SLC26A1: variants seen among roughly 807,000 people sequenced by gnomAD.
The protein encoded by SLC26A1 is solute carrier family 26 member 1.
Under a neutral mutation model 14.5 loss-of-function variants are expected in SLC26A1, and 18 were observed. The observed-to-expected ratio is 1.24, with a 90% CI of 0.86 to 1.84. SLC26A1 has a LOEUF of 1.84. SLC26A1 is among the 40% of genes most tolerant of loss of function. The pLI, the probability that SLC26A1 is intolerant of heterozygous loss-of-function variation, is 0.00. For missense variants in SLC26A1, 1,049 were observed against 1,020.0 expected, an observed-to-expected ratio of 1.03 and a Z score of -0.39; for synonymous variants, 505 against 492.0, an observed-to-expected ratio of 1.03 and a Z score of -0.35.
rs1355957808 is a variant in SLC26A1 at position 989,086 on chromosome 4, G to T, written c.1853C>A (p.Pro618Gln). 1 of 1,598,416 alleles carries T rather than the reference G, an allele frequency of 6.3e-7. No individual in the cohort carries two copies. Among genetic ancestry groups the T allele is most frequent in the Admixed American group, 1.7e-5 (1 of 58,278 alleles). Residue 618 changes from proline to glutamine, a missense_variant, in exon 3 of 3, where the codon CCG (proline) becomes CAG (glutamine). Pro to Gln is a moderately conservative substitution (Grantham distance 76). Transcript: ENST00000398516. ...ACCGGCTGCGTCTAGGAACAGCAGC[G>T]GGGCGCAGTCGATGACCACTGTGTG... Reference protein sequence around the residue: ...GFHTVVIDCAPLLFLDAAGVS... With the variant: ...GFHTVVIDCAQLLFLDAAGVS...
downstream of SLC26A1, chr4:987,558 T>C (rs1713832155): frequency 2.0e-5 from 25 of 1,253,192 alleles, no homozygotes; most frequent in Non-Finnish European, 2.6e-5. Flanking sequence ...CACCTAGAGC[T>C]GAGGTACCCG....
At chr4:990,577 C>T (rs1714209236) in intron 2 of SLC26A1, 2 of 592,280 alleles carry the variant, frequency 3.4e-6, no homozygotes, top group Admixed American at 3.0e-5. Flanking sequence ...TCCACGTGAG[C>T]ATCACACGTG....
At chr4:992,050 T>C (rs1368864810) in intron 1 of SLC26A1, 6 of 571,570 alleles carry the variant, frequency 1.0e-5, no homozygotes, top group Non-Finnish European at 2.0e-5. Flanking sequence ...GCCTATTGGC[T>C]CTGCGGTTCC....
At chr4:992,523 G>A (rs1714446919) in intron 1 of SLC26A1, among the ~76,000 whole-genome samples, 1 of 152,236 alleles carries the variant, frequency 6.6e-6, no homozygotes, top group African/African-American at 2.4e-5. Flanking sequence ...CCCCATCAGG[G>A]CCAGCTGGGA....
downstream of SLC26A1, chr4:987,159 G>C: frequency 7.0e-7 from 1 of 1,427,150 alleles, no homozygotes; most frequent in Non-Finnish European, 9.1e-7. Flanking sequence ...CGGTGGCCCC[G>C]GCCGAGGCCC....
At chr4:984,198 G>A (rs1713631094), downstream of SLC26A1, among the ~76,000 whole-genome samples, 1 of 152,208 alleles carries the variant, frequency 6.6e-6, no homozygotes, top group Admixed American at 6.5e-5. Flanking sequence ...ACAATAAAAT[G>A]AAGCAAGTTC....
chr4:982,474 G>A (rs1231045343), intron 2 of SLC26A1, among the ~76,000 whole-genome samples: 1 of 152,208 alleles, frequency 6.6e-6, no homozygotes, highest in East Asian at 1.9e-4. Context: ...GTGAGGGTAC[G>A]GTGCTGCTGG....
rs375888392 is a variant in SLC26A1, at chr4:990,285, C to G, written c.654G>C (p.Gly218=). The change falls in exon 3 of 3, where the codon GGG becomes GGC. Residue 218 remains glycine, a synonymous_variant. Transcript: ENST00000398516. ...GCGAGGTCAGGATGGTCACGGAGGC[C>G]CCCATGGCAAAGCCATCGAGCAGTG... ...SQPLLDGFAM[G]ASVTILTSQL... The G allele has an allele frequency of 1.9e-6, 3 of 1,602,380 alleles. No homozygotes were observed. The highest frequency in any genetic ancestry group is 1.1e-5 in the South Asian group (1 of 88,670).
rs142212318 is a variant in SLC26A1 at position 989,634 on chromosome 4, G to A, written c.1305C>T (p.His435=). 24 of 1,597,358 alleles carry A rather than the reference G, an allele frequency of 1.5e-5. No individual in the cohort carries two copies. The highest frequency in any genetic ancestry group is 1.1e-4 in the African/African-American group (8 of 74,904). ...LVLLALAPLF[H]DLQRSVLACV... ...AGGCCAGCACGCTTCGCTGTAGGTCGTGGAACAGCGGTGCCAGCGCCAGCA... is the reference window on the plus strand; with the variant it reads ...AGGCCAGCACGCTTCGCTGTAGGTCATGGAACAGCGGTGCCAGCGCCAGCA... The change falls in exon 3 of 3, where the codon CAC becomes CAT. Residue 435 remains histidine, a synonymous_variant. Transcript: ENST00000398516.
Position 991,118 on chromosome 4 carries a change from G to A in SLC26A1, c.576+10C>T. 6.6e-7 allele frequency: 1 copy of A among 1,525,978 alleles called. No individual in the cohort carries two copies. The highest frequency in any genetic ancestry group is 8.8e-7 in the Non-Finnish European group (1 of 1,136,016). The allele number at this position is 1,525,978 out of a possible 1,614,324, so 94.5% of individuals were successfully genotyped here. On this transcript the variant is annotated intron_variant, in intron 2 of 2. Transcript: ENST00000398516. ...TGGGCCCCTCCCTGTGCCCAAGCAG[G>A]GCTCCTCACCTGGTAAAGCCCGGTC... is the stretch of plus-strand genomic sequence containing the variant.
At position 990,916 on chromosome 4, in the gene SLC26A1, G is replaced by A. The variant is rs115435541; in HGVS notation, c.576+212C>T. The A allele has an allele frequency of 0.038, 20,649 of 542,912 alleles. 490 individuals carry two copies. Among genetic ancestry groups the A allele is most frequent in the Non-Finnish European group, 0.048 (15,249 of 314,794 alleles). 33.6% of individuals were successfully genotyped at this position (542,912 alleles called of 1,614,324 possible). The stretch of plus-strand genomic sequence containing the variant: ...CCATGGCCCACCGGACTGGCTCCCC[G>A]TGCCCCTCCCCTCCTGCATCCACAG... On this transcript the variant is annotated intron_variant, in intron 2 of 2. Coordinates refer to ENST00000398516, the MANE Select transcript of SLC26A1 (RefSeq NM_022042.4).
rs1461885620 is a variant in SLC26A1 at position 989,039 on chromosome 4, G to A, written c.1900C>T (p.Arg634Cys). 26 of 1,579,604 alleles carry A rather than the reference G, an allele frequency of 1.6e-5. No individual in the cohort carries two copies. The highest frequency in any genetic ancestry group is 4.7e-5 in the East Asian group (2 of 42,690). The change falls in exon 3 of 3, where the codon CGC (arginine) becomes TGC (cysteine). Residue 634 changes from arginine to cysteine, a missense_variant. Transcript: ENST00000398516. ...AAGVSTLQDLRRDYGALGISL... is the reference protein window; with the variant it reads ...AAGVSTLQDLCRDYGALGISL... ...ATGCCCAGGGCCCCGTAGTCTCGGCGCAGGTCCTGCAGCGTGCTCACACCG... is the reference window on the plus strand; with the variant it reads ...ATGCCCAGGGCCCCGTAGTCTCGGCACAGGTCCTGCAGCGTGCTCACACCG...
At chr4:986,453 T>G (rs1713732952), downstream of SLC26A1, among the ~76,000 whole-genome samples, 1 of 152,254 alleles carries the variant, frequency 6.6e-6, no homozygotes, top group Non-Finnish European at 1.5e-5. Flanking sequence ...TTATAGTCCC[T>G]AAAACAATGT....
Position 989,935 on chromosome 4 carries a change from G to T in SLC26A1, c.1004C>A (p.Pro335His). 2.6e-6 allele frequency: 4 copies of T among 1,557,274 alleles called. No homozygotes were observed. Among genetic ancestry groups the T allele is most frequent in the Non-Finnish European group, 3.5e-6 (4 of 1,151,726 alleles). The part of the protein sequence containing the change: ...TGFMPPQVPE[P>H]RLMQRVALDA... ...CAAAGCCACACGCTGCATCAGCCTG[G>T]GCTCTGGGACCTGAGGGGGCATGAA... is the stretch of plus-strand genomic sequence containing the variant. The change falls in exon 3 of 3, where the codon CCC becomes CAC. Residue 335 changes from proline (P) to histidine (H), a missense_variant. Coordinates refer to ENST00000398516, the MANE Select transcript of SLC26A1 (RefSeq NM_022042.4).
rs935911052 is a variant in SLC26A1 at position 988,881 on chromosome 4, T to C, written c.2058A>G (p.Thr686=). The change falls in exon 3 of 3, where the codon ACA becomes ACG. Residue 686 remains threonine, a synonymous_variant. Transcript: ENST00000398516. ...CCAGCTCCCTGTGGCGGGCTCGTGC[T>C]GTCTGCACGGCATCGTGCACACTGA... ...LFLSVHDAVQ[T]ARARHRELEA... is the part of the protein sequence containing the mutation. 5.6e-6 allele frequency: 9 copies of C among 1,600,798 alleles called. No homozygotes were observed. The African/African-American group carries it at 9.4e-5, about 17-fold the overall frequency.
Position 989,623 on chromosome 4 carries a change from C to A in SLC26A1, c.1316G>T (p.Arg439Leu), listed in dbSNP as rs148721282. ...CACGATGACGCAGGCCAGCACGCTT[C>A]GCTGTAGGTCGTGGAACAGCGGTGC... ...ALAPLFHDLQ[R>L]SVLACVIVVS... is the part of the protein sequence containing the mutation. The change falls in exon 3 of 3, where the codon CGA (arginine) becomes CTA (leucine). Residue 439 changes from arginine to leucine, a missense_variant. Transcript: ENST00000398516. 1.9e-6 allele frequency: 3 copies of A among 1,600,004 alleles called. No homozygotes were observed. Among genetic ancestry groups the A allele is most frequent in the Non-Finnish European group, 1.7e-6 (2 of 1,174,878 alleles).
At position 988,149 on chromosome 4, in the gene SLC26A1, C is replaced by G; in HGVS notation, c.*684G>C. ...GAGCCCCTGCATGGGGCACGGTGGG[C>G]TTCCTGCAGGTCTCCCTGCAGGCTC... On this transcript the variant is annotated 3_prime_UTR_variant, in exon 3 of 3. Transcript: ENST00000398516. 1 of 1,402,456 alleles carries G rather than the reference C, an allele frequency of 7.1e-7. No individual in the cohort carries two copies. The highest frequency in any genetic ancestry group is 9.3e-7 in the Non-Finnish European group (1 of 1,080,282). The allele number at this position is 1,402,456 out of a possible 1,614,324, so 86.9% of individuals were successfully genotyped here.
chr4:991,147 A>C lies in SLC26A1; in HGVS notation c.557T>G (p.Leu186Arg). ...YAIRVATALT[L>R]MTGLYQVLMG... ...CCTCACCTGGTAAAGCCCGGTCATC[A>C]GCGTGAGGGCGGTGGCGACACGGAT... Residue 186 changes from leucine (L) to arginine (R), a missense_variant, in exon 2 of 3, where the codon CTG (leucine) becomes CGG (arginine). By Grantham distance (102) the Leu-to-Arg change is moderately radical. Transcript: ENST00000398516. 1 of 1,545,210 alleles carries C rather than the reference A, an allele frequency of 6.5e-7. No homozygotes were observed. The highest frequency in any genetic ancestry group is 8.8e-7 in the Non-Finnish European group (1 of 1,142,764).
In SLC26A1 at chr4:991,392, C is replaced by T. The variant is rs150395578; in HGVS notation, c.312G>A (p.Thr104=). ...AGTAGATGAGGTTGGCGAAGAAGGA[C>T]GTATAGAGGCTGTAGATGGGCTGCA... ...AGLQPIYSLY[T]SFFANLIYFL... Residue 104 remains threonine, a synonymous_variant, in exon 2 of 3, where the codon ACG becomes ACA. Coordinates refer to ENST00000398516, the MANE Select transcript of SLC26A1 (RefSeq NM_022042.4). 3.1e-4 allele frequency: 500 copies of T among 1,612,818 alleles called. 1 individual carries two copies. The African/African-American group carries it at 5.7e-3, about 18-fold the overall frequency.
Sources: allele counts gnomAD v4.1 joint callset (sites outside exome capture counted in the v4.1 genomes callset), GRCh38; gene constraint gnomAD v4.1.1; transcripts MANE v1.5; gene names NCBI Gene and HGNC (gene_info 2026-07-23, HGNC 2026-07-21).